The following ARHGAP44 variants were observed in gnomAD, a reference collection of about 807,000 sequenced individuals.
The protein encoded by ARHGAP44 is rho GTPase-activating protein 44.
Under a neutral mutation model 106.8 loss-of-function variants are expected in ARHGAP44, and 43 were observed. The ratio of observed to expected loss-of-function variants is 0.40; its 90% CI spans 0.32 to 0.52. The LOEUF is 0.52. Among genes scored for constraint, ARHGAP44 ranks in the 20% least tolerant of loss-of-function variants. The pLI is 0.48. For synonymous variants in ARHGAP44, 439 were observed against 410.3 expected, an observed-to-expected ratio of 1.07 and a Z score of -0.85; for missense variants, 866 against 1,050.5, an observed-to-expected ratio of 0.82 and a Z score of 2.43.
chr17:12,883,439 TTTCTTAAATATTTTCAGC>T (rs1417354169), intron 1 of ARHGAP44, among the ~76,000 whole-genome samples: 22 of 152,004 alleles, frequency 1.4e-4, no homozygotes, highest in African/African-American at 3.1e-4. Flanking sequence ...TCTTAAATAT[TTTCTTAAATATTTTCAGC>T]TTCTTAAATA....
chr17:12,830,457 A>G (rs1487530854), intron 1 of ARHGAP44, among the ~76,000 whole-genome samples: 1 of 152,040 alleles, frequency 6.6e-6, no homozygotes, highest in Non-Finnish European at 1.5e-5. Context: ...TTCACTTCTC[A>G]GATTGTTTTA....
intron 1 of ARHGAP44, among the ~76,000 whole-genome samples, chr17:12,792,527 C>T (rs1427490168): frequency 6.6e-6 from 1 of 152,130 alleles, no homozygotes; most frequent in Non-Finnish European, 1.5e-5. Flanking sequence ...TGTTTTGGGT[C>T]ATGATCCTAT....
intron 7 of ARHGAP44, among the ~76,000 whole-genome samples, chr17:12,939,208 T>A (rs1201777343): frequency 6.6e-6 from 1 of 152,076 alleles, no homozygotes; most frequent in Non-Finnish European, 1.5e-5. Context: ...TTGAGCCCAT[T>A]TTATTATTCT....
At chr17:12,802,970 T>TATATATATATA (rs1491437778) in intron 1 of ARHGAP44, among the ~76,000 whole-genome samples, 7 of 22,790 alleles carry the variant, frequency 3.1e-4, no homozygotes, top group Non-Finnish European at 5.3e-4. Context: ...TATATATATA[T>TATATATATATA]TTTTTTTTTT....
Position 12,949,213 on chromosome 17 carries a change from A to G in ARHGAP44, c.935A>G (p.Asp312Gly). 1 of 1,578,906 alleles carries G rather than the reference A, an allele frequency of 6.3e-7. No homozygotes were observed. Among genetic ancestry groups the G allele is most frequent in the South Asian group, 1.2e-5 (1 of 85,784 alleles). The change falls in exon 11 of 21, where the codon GAT (aspartate) becomes GGT (glycine). Residue 312 changes from aspartate to glycine, a missense_variant. By Grantham distance (94) the Asp-to-Gly change is moderately conservative. Around this residue, in one of 2 missense-constraint regions of ARHGAP44, gnomAD observed 448 missense variants for 646.9 expected, o/e 0.69. Transcript: ENST00000379672. The surrounding 1 kb of genome is among the most constrained non-coding windows in gnomAD (Gnocchi z 4.1). ...LKAALDCCVV[D>G]VQEYSADPHA... ...GCGGCCCTGGACTGCTGCGTGGTGG[A>G]TGTGCAGGAGTACTCGGCAGACCCC...
chr17:12,820,068 T>G (rs1367482130), intron 1 of ARHGAP44, among the ~76,000 whole-genome samples: 1 of 152,138 alleles, frequency 6.6e-6, no homozygotes, highest in African/African-American at 2.4e-5. Flanking sequence ...CAAATAAGTA[T>G]TTGAGTGTGT....
At chr17:12,810,596 A>G (rs1365401138) in intron 1 of ARHGAP44, among the ~76,000 whole-genome samples, 2 of 151,924 alleles carry the variant, frequency 1.3e-5, no homozygotes, top group Non-Finnish European at 2.9e-5. Context: ...TCCTGTGGCC[A>G]CTGACTTAAT....
chr17:12,874,855 C>T (rs566750169), intron 1 of ARHGAP44, among the ~76,000 whole-genome samples: 3 of 150,480 alleles, frequency 2.0e-5, no homozygotes, highest in South Asian at 2.1e-4. Context: ...GTGAATCCCA[C>T]GAAGGATTGT....
At chr17:12,954,974 T>C (rs1021507414) in intron 13 of ARHGAP44, among the ~76,000 whole-genome samples, 1 of 152,160 alleles carries the variant, frequency 6.6e-6, no homozygotes, top group African/African-American at 2.4e-5. Context: ...AACATTTCCC[T>C]TACCCCAAAA....
At chr17:12,881,431 C>T (rs2036733854) in intron 1 of ARHGAP44, among the ~76,000 whole-genome samples, 2 of 152,082 alleles carry the variant, frequency 1.3e-5, no homozygotes, top group Middle Eastern at 3.4e-3. Context: ...AGTCATGTCT[C>T]CTCTTCCTCT....
chr17:12,965,613 A>G (rs965553913), intron 16 of ARHGAP44, among the ~76,000 whole-genome samples: 2 of 152,224 alleles, frequency 1.3e-5, no homozygotes, highest in East Asian at 1.9e-4. Flanking sequence ...CTGATGTCTA[A>G]TAAGTTCCTG....
chr17:12,989,417 G>A (rs754088120), intron 20 of ARHGAP44, among the ~76,000 whole-genome samples: 9 of 152,126 alleles, frequency 5.9e-5, no homozygotes, highest in African/African-American at 7.2e-5. Context: ...TCATCTTGCC[G>A]GGAAAAATGA....
intron 10 of ARHGAP44, among the ~76,000 whole-genome samples, chr17:12,944,801 C>T (rs2038808197): frequency 6.6e-6 from 1 of 150,578 alleles, no homozygotes; most frequent in Admixed American, 6.6e-5. Flanking sequence ...GCTGCTATTA[C>T]TACTCCTTCT....
chr17:12,831,294 T>G (rs1022025862), intron 1 of ARHGAP44, among the ~76,000 whole-genome samples: 1 of 152,224 alleles, frequency 6.6e-6, no homozygotes, highest in African/African-American at 2.4e-5. Flanking sequence ...GCTGTTCACC[T>G]GTGCTGTGCT....
At chr17:12,847,685 T>G (rs1231439768) in intron 1 of ARHGAP44, among the ~76,000 whole-genome samples, 2 of 151,928 alleles carry the variant, frequency 1.3e-5, no homozygotes, top group African/African-American at 4.8e-5. Flanking sequence ...GGCTAATTTT[T>G]TTTTTGTATT....
At chr17:12,887,653 T>C (rs1443152338) in intron 1 of ARHGAP44, among the ~76,000 whole-genome samples, 2 of 152,202 alleles carry the variant, frequency 1.3e-5, no homozygotes, top group Non-Finnish European at 2.9e-5. Context: ...ATTCATAAAA[T>C]GAATTGAGAA....
chr17:12,842,418 A>G (rs1431384009), intron 1 of ARHGAP44, among the ~76,000 whole-genome samples: 2 of 134,806 alleles, frequency 1.5e-5, no homozygotes, highest in Non-Finnish European at 3.0e-5. Context: ...CCATCTCAAA[A>G]AAAAAAAAAA....
intron 14 of ARHGAP44, 42 bp from the exon 15 acceptor site, chr17:12,956,613 G>A (rs1440827218): frequency 3.2e-6 from 5 of 1,578,778 alleles, no homozygotes; most frequent in African/African-American, 2.7e-5. Flanking sequence ...GCTTGCCTCA[G>A]CTGCTAACTC....
chr17:12,888,195 A>G (rs1372813815), intron 1 of ARHGAP44, among the ~76,000 whole-genome samples: 1 of 151,840 alleles, frequency 6.6e-6, no homozygotes, highest in Non-Finnish European at 1.5e-5. Flanking sequence ...TTGGAGTAGG[A>G]TCTTTTATTG....
Sources: allele counts gnomAD v4.1 joint callset (sites outside exome capture counted in the v4.1 genomes callset), GRCh38; gene constraint gnomAD v4.1.1; regional missense constraint gnomAD v4.1.1; non-coding constraint Gnocchi (gnomAD v3.1); transcripts MANE v1.5; gene names NCBI Gene and HGNC (gene_info 2026-07-23, HGNC 2026-07-21).